Variants in ADAMTSL1 observed in about 807,000 individuals in gnomAD.
ADAMTSL1 encodes the protein ADAMTS like 1, also known as ADAMTS-like protein 1.
In ADAMTSL1, 126 loss-of-function variants were observed where a neutral mutation model predicts 201.8. That is an observed-to-expected ratio of 0.62 (90% CI 0.54 to 0.72). ADAMTSL1 has a LOEUF of 0.72. ADAMTSL1 is among the 30% of genes least tolerant of loss of function. The pLI, the probability that ADAMTSL1 is intolerant of heterozygous loss-of-function variation, is 0.00. For missense variants in ADAMTSL1, 2,679 were observed against 2,277.8 expected, an observed-to-expected ratio of 1.18 and a Z score of -3.59; for synonymous variants, 1,121 against 903.4, an observed-to-expected ratio of 1.24 and a Z score of -4.32.
intron 1 of ADAMTSL1, among the ~76,000 whole-genome samples, chr9:18,065,045 A>G (rs954632946): frequency 2.5e-5 from 3 of 119,096 alleles, no homozygotes; most frequent in African/African-American, 9.7e-5. Context: ...ACGGATTTTT[A>G]TTAAATATGT....
intron 9 of ADAMTSL1, among the ~76,000 whole-genome samples, chr9:18,672,359 A>G (rs183558375): frequency 4.6e-5 from 7 of 152,298 alleles, no homozygotes; most frequent in Non-Finnish European, 1.0e-4. Flanking sequence ...ATTTTTTCAT[A>G]CTTGAATATT....
intron 23 of ADAMTSL1, among the ~76,000 whole-genome samples, chr9:18,840,073 C>T (rs920827609): frequency 2.0e-5 from 3 of 147,428 alleles, no homozygotes; most frequent in Admixed American, 6.8e-5. Context: ...TCTTTTGTTG[C>T]CATTGCTTTT....
intron 2 of ADAMTSL1, among the ~76,000 whole-genome samples, chr9:18,185,916 A>G (rs867846890): frequency 6.6e-6 from 1 of 152,298 alleles, no homozygotes; most frequent in African/African-American, 2.4e-5. Context: ...TGGAACATGG[A>G]ATAGTTTGAG....
At chr9:18,536,943 C>A (rs1032756550) in intron 3 of ADAMTSL1, among the ~76,000 whole-genome samples, 1 of 151,974 alleles carries the variant, frequency 6.6e-6, no homozygotes, top group Admixed American at 6.6e-5. Flanking sequence ...TTTGCACTAT[C>A]CTTAAGGTTC....
intron 2 of ADAMTSL1, among the ~76,000 whole-genome samples, chr9:18,443,873 A>G (rs1313290048): frequency 2.0e-5 from 3 of 152,246 alleles, no homozygotes; most frequent in African/African-American, 7.2e-5. Context: ...TGTATAGGCC[A>G]CAACAGAAAT....
At chr9:18,256,687 A>C (rs1563839103) in intron 2 of ADAMTSL1, among the ~76,000 whole-genome samples, 1 of 152,210 alleles carries the variant, frequency 6.6e-6, no homozygotes, top group Non-Finnish European at 1.5e-5. Context: ...TACTAGCCTC[A>C]GGAAGTTTTG....
At chr9:18,568,858 G>C (rs953707093) in intron 3 of ADAMTSL1, among the ~76,000 whole-genome samples, 1 of 151,752 alleles carries the variant, frequency 6.6e-6, no homozygotes, top group African/African-American at 2.4e-5. Context: ...CATATAATAG[G>C]TTAAATGAAA....
At chr9:18,113,574 G>A (rs1001282187) in intron 1 of ADAMTSL1, among the ~76,000 whole-genome samples, 2 of 152,006 alleles carry the variant, frequency 1.3e-5, no homozygotes, top group African/African-American at 2.4e-5. Flanking sequence ...CAATAACAAA[G>A]CATTCAGTTT....
chr9:18,119,723 C>T (rs993416607), intron 1 of ADAMTSL1, among the ~76,000 whole-genome samples: 1 of 152,066 alleles, frequency 6.6e-6, no homozygotes, highest in Admixed American at 6.6e-5. Context: ...GGAGAGTATA[C>T]AGTAATAAGG....
chr9:18,267,975 G>T (rs542156009), intron 2 of ADAMTSL1, among the ~76,000 whole-genome samples: 6 of 152,020 alleles, frequency 3.9e-5, no homozygotes, highest in South Asian at 2.1e-4. Context: ...ATCTCATAAG[G>T]TACAGATTTA....
At chr9:18,558,789 G>T (rs887862338) in intron 3 of ADAMTSL1, among the ~76,000 whole-genome samples, 3 of 151,872 alleles carry the variant, frequency 2.0e-5, no homozygotes, top group East Asian at 1.9e-4. Context: ...TCGTATGTTT[G>T]TTGGCCACAT....
chr9:18,095,335 G>A (rs1302043484), intron 1 of ADAMTSL1, among the ~76,000 whole-genome samples: 11 of 150,280 alleles, frequency 7.3e-5, no homozygotes, highest in Admixed American at 4.6e-4. Flanking sequence ...TTATCACAGT[G>A]TTGAAAGTTC....
intron 13 of ADAMTSL1, among the ~76,000 whole-genome samples, chr9:18,699,926 A>G (rs1027568881): frequency 1.9e-4 from 29 of 152,164 alleles, no homozygotes; most frequent in African/African-American, 6.0e-4. Context: ...ACCTTTGAAA[A>G]ATTTTGCTTA....
At chr9:17,978,704 T>C (rs1187040939) in intron 1 of ADAMTSL1, among the ~76,000 whole-genome samples, 1 of 152,172 alleles carries the variant, frequency 6.6e-6, no homozygotes, top group African/African-American at 2.4e-5. Flanking sequence ...TAAAAATGAC[T>C]TACATTATTA....
chr9:17,937,213 T>C (rs952038325), intron 1 of ADAMTSL1, among the ~76,000 whole-genome samples: 5 of 152,268 alleles, frequency 3.3e-5, no homozygotes, highest in Non-Finnish European at 7.4e-5. Flanking sequence ...TGAAGGATAA[T>C]CGGAACAGCA....
At chr9:18,355,394 T>G (rs961872737) in intron 2 of ADAMTSL1, among the ~76,000 whole-genome samples, 1 of 152,160 alleles carries the variant, frequency 6.6e-6, no homozygotes, top group African/African-American at 2.4e-5. Context: ...TTTAGGAGTA[T>G]CAGCAGAATA....
intron 2 of ADAMTSL1, among the ~76,000 whole-genome samples, chr9:18,277,094 G>A (rs888229017): frequency 3.3e-5 from 5 of 152,138 alleles, no homozygotes; most frequent in Non-Finnish European, 5.9e-5. Flanking sequence ...TCATACTATA[G>A]TGGCTAGAAA....
intron 10 of ADAMTSL1, among the ~76,000 whole-genome samples, chr9:18,678,076 T>C (rs748428288): frequency 6.6e-6 from 1 of 152,102 alleles, no homozygotes; most frequent in Non-Finnish European, 1.5e-5. Flanking sequence ...TTTCAGTCCT[T>C]GACTGTAACA....
At chr9:18,187,327 G>A (rs1429910898) in intron 2 of ADAMTSL1, among the ~76,000 whole-genome samples, 1 of 152,038 alleles carries the variant, frequency 6.6e-6, no homozygotes, top group South Asian at 2.1e-4. Context: ...CCTATTTAAG[G>A]TATTGTTACT....
Sources: gnomAD v4.1 joint callset for allele counts (sites outside exome capture counted in the v4.1 genomes callset) on GRCh38, gnomAD v4.1.1 for gene constraint, MANE v1.5 for transcripts, NCBI Gene and HGNC (gene_info 2026-07-23, HGNC 2026-07-21) for gene names.